The following MEIS2 variants were observed in gnomAD, a reference collection of about 807,000 sequenced individuals.
MEIS2 encodes homeobox protein Meis2.
In MEIS2, 9 loss-of-function variants were observed where a neutral mutation model predicts 58.6. The observed-to-expected ratio is 0.15, with a 90% CI of 0.09 to 0.27. The LOEUF (loss-of-function observed/expected upper bound fraction) is 0.27, where lower values mean the gene tolerates loss of function less well. Among genes scored for constraint, MEIS2 ranks in the 10% least tolerant of loss-of-function variants. The pLI is 1.00. For missense variants in MEIS2, 427 were observed against 635.0 expected, an observed-to-expected ratio of 0.67 and a Z score of 3.52; for synonymous variants, 221 against 228.4, an observed-to-expected ratio of 0.97 and a Z score of 0.29.
At chr15:36,949,202 A>AG (rs2058672250) in intron 9 of MEIS2, among the ~76,000 whole-genome samples, 1 of 150,792 alleles carries the variant, frequency 6.6e-6, no homozygotes, top group South Asian at 2.1e-4. Flanking sequence ...TTCCCTGGGA[A>AG]AAAAAAAAAT....
At chr15:36,929,875 C>T (rs1032045923) in intron 9 of MEIS2, among the ~76,000 whole-genome samples, 1 of 152,040 alleles carries the variant, frequency 6.6e-6, no homozygotes, top group East Asian at 1.9e-4. Context: ...CAGAAAATAT[C>T]GGTTGTCAAG....
At chr15:37,082,197 C>A (rs1010848021) in intron 7 of MEIS2, among the ~76,000 whole-genome samples, 3 of 152,116 alleles carry the variant, frequency 2.0e-5, no homozygotes, top group Admixed American at 1.3e-4. Flanking sequence ...ATGCTTGAAG[C>A]GTTAACGTAA....
intron 8 of MEIS2, among the ~76,000 whole-genome samples, chr15:37,027,329 C>T (rs2061740857): frequency 2.0e-5 from 3 of 152,060 alleles, no homozygotes; most frequent in African/African-American, 7.2e-5. Flanking sequence ...ACTTTATGAC[C>T]CTATCCTGCA....
chr15:37,030,896 C>T (rs1379481015), intron 8 of MEIS2, among the ~76,000 whole-genome samples: 1 of 152,130 alleles, frequency 6.6e-6, no homozygotes, highest in African/African-American at 2.4e-5. Flanking sequence ...CCACCTCAGC[C>T]TCCCAAAGTG....
rs144506737 is a variant in MEIS2, at chr15:37,037,001, A to AG, written c.755-43dup. ...AAAATACATTAGAGAAAACATCGCA[A>AG]GGTGCCAACAACAAGTGCAGCTAAT... On this transcript the variant is annotated intron_variant, in intron 7 of 11. Transcript: ENST00000561208. 3.5e-3 allele frequency: 5,413 copies of AG among 1,565,462 alleles called. 136 individuals carry two copies. The African/African-American group carries it at 0.058, about 17-fold the overall frequency.
chr15:36,988,795 C>T (rs2060175203), intron 8 of MEIS2, among the ~76,000 whole-genome samples: 1 of 152,132 alleles, frequency 6.6e-6, no homozygotes, highest in African/African-American at 2.4e-5. Flanking sequence ...CAATAATTTG[C>T]ATTCATCTAA....
intron 8 of MEIS2, among the ~76,000 whole-genome samples, chr15:36,968,494 G>C (rs1050536179): frequency 6.6e-6 from 1 of 152,150 alleles, no homozygotes; most frequent in Non-Finnish European, 1.5e-5. Context: ...GTGGAGAGGC[G>C]ATTAAAGTTA....
chr15:36,908,662 A>G (rs2056856669), intron 9 of MEIS2, among the ~76,000 whole-genome samples: 1 of 152,186 alleles, frequency 6.6e-6, no homozygotes, highest in East Asian at 1.9e-4. Flanking sequence ...CAACACTATC[A>G]AAAAATAACT....
At chr15:36,898,122 A>T (rs777737489) in intron 9 of MEIS2, 8 of 152,242 alleles carry the variant, frequency 5.3e-5, no homozygotes, top group Non-Finnish European at 1.2e-4. Flanking sequence ...GTCAAAAAAG[A>T]AAGTGATCAG....
chr15:36,896,366 T>C (rs959934372), intron 10 of MEIS2, among the ~76,000 whole-genome samples: 2 of 152,180 alleles, frequency 1.3e-5, no homozygotes, highest in African/African-American at 2.4e-5. Context: ...ACAAACACGC[T>C]GCTTGTGGCA....
At chr15:37,020,728 T>G (rs1406566174) in intron 8 of MEIS2, among the ~76,000 whole-genome samples, 1 of 151,134 alleles carries the variant, frequency 6.6e-6, no homozygotes, top group Non-Finnish European at 1.5e-5. Flanking sequence ...CTCGTTGCCC[T>G]CATCCTCACT....
intron 8 of MEIS2, among the ~76,000 whole-genome samples, chr15:36,976,381 G>C (rs547653921): frequency 2.0e-5 from 3 of 151,856 alleles, no homozygotes. Context: ...ACCGCGCCTG[G>C]CCTATAAAGA....
At chr15:36,981,605 C>A (rs765587314) in intron 8 of MEIS2, among the ~76,000 whole-genome samples, 6 of 151,776 alleles carry the variant, frequency 4.0e-5, no homozygotes, top group Non-Finnish European at 8.8e-5. Flanking sequence ...TGCATGTGTG[C>A]ATGCATGGTG....
intron 11 of MEIS2, among the ~76,000 whole-genome samples, chr15:36,893,670 A>G (rs1399298748): frequency 6.6e-6 from 1 of 152,240 alleles, no homozygotes; most frequent in African/African-American, 2.4e-5. Context: ...TATGGCCTAT[A>G]TTAAGAACTA....
At chr15:37,008,784 A>G (rs111255933) in intron 8 of MEIS2, among the ~76,000 whole-genome samples, 14 of 152,354 alleles carry the variant, frequency 9.2e-5, no homozygotes, top group African/African-American at 2.9e-4. Context: ...GAAGCATCAC[A>G]TAAGTGCCAG....
intron 1 of MEIS2, chr15:37,099,219 A>G (rs1484347182): frequency 1.4e-6 from 2 of 1,421,146 alleles, no homozygotes; most frequent in Middle Eastern, 2.6e-4. Context: ...GCCCGCTCGC[A>G]CAGCGCTGGA....
In MEIS2 at chr15:37,098,248, AGAG is replaced by A. The variant is rs771498677; in HGVS notation, c.13-52_13-50del. ...GGGGGCGCAGGAGGTGAGGGAGAAC[AGAG>A]GAGGGGGGTGGAAAGGGAAAAAGAG... On this transcript the variant is annotated intron_variant, in intron 1 of 11. Coordinates refer to ENST00000561208, the MANE Select transcript of MEIS2 (RefSeq NM_170675.5). 6 of 1,500,588 alleles carry A rather than the reference AGAG, an allele frequency of 4.0e-6. No homozygotes were observed. The African/African-American group carries it at 7.0e-5, about 17-fold the overall frequency. The allele number at this position is 1,500,588 out of a possible 1,614,324, so 93.0% of individuals were successfully genotyped here. A position where few individuals can be genotyped will look rare whatever the true frequency, so the allele number is the denominator to read the frequency against.
chr15:37,094,823 C>T (rs1726940259), intron 4 of MEIS2, among the ~76,000 whole-genome samples: 1 of 151,922 alleles, frequency 6.6e-6, no homozygotes, highest in South Asian at 2.1e-4. Context: ...ATATCTTTCC[C>T]CCTGATGTTC....
intron 8 of MEIS2, among the ~76,000 whole-genome samples, chr15:36,990,018 A>C (rs974551585): frequency 4.6e-5 from 7 of 151,974 alleles, no homozygotes; most frequent in South Asian, 2.1e-4. Flanking sequence ...AATCTCGGCT[A>C]ACTGCAAGCT....
Sources: allele counts gnomAD v4.1 joint callset (sites outside exome capture counted in the v4.1 genomes callset), GRCh38; gene constraint gnomAD v4.1.1; transcripts MANE v1.5; gene names NCBI Gene and HGNC (gene_info 2026-07-23, HGNC 2026-07-21).